The following CDKL3 variants were observed in gnomAD, a reference collection of about 807,000 sequenced individuals.
CDKL3 encodes the protein cyclin dependent kinase like 3, also known as cyclin-dependent kinase-like 3.
In CDKL3, 65 loss-of-function variants were observed where a neutral mutation model predicts 69.3. The observed-to-expected ratio is 0.94, with a 90% CI of 0.77 to 1.15. The LOEUF (loss-of-function observed/expected upper bound fraction) is 1.15, where lower values mean the gene tolerates loss of function less well. Ranked by LOEUF, CDKL3 falls within the 50% of genes most tolerant of loss-of-function variation. The probability of loss-of-function intolerance (pLI) is 0.00; values close to 1 mark genes in which losing one functional copy is unlikely to be tolerated. For synonymous variants in CDKL3, 202 were observed against 221.6 expected (o/e 0.91, Z 0.79); for missense variants, 652 against 689.2 (o/e 0.95, Z 0.61).
chr5:134,290,566 A>G (rs758204103), intron 8 of CDKL3, among the ~76,000 whole-genome samples: 1 of 152,166 alleles, frequency 6.6e-6, no homozygotes. Context: ...AAAATAATCA[A>G]TGGTGTCAAA....
Position 134,312,320 on chromosome 5 carries a change from A to C in CDKL3, c.853T>G (p.Tyr285Asp), listed in dbSNP as rs1338916486. 2 of 1,596,216 alleles carry C rather than the reference A, an allele frequency of 1.3e-6. No individual in the cohort carries two copies. Among genetic ancestry groups the C allele is most frequent in the Non-Finnish European group, 1.7e-6 (2 of 1,170,890 alleles). ...TCAATAAATCCATCTCTAGTAAAAT[A>C]CTCATGATGCAAAAGATCACTAGAT... The part of the protein sequence containing the change: ...ISSSDLLHHE[Y>D]FTRDGFIEKF... The change falls in exon 7 of 13, where the codon TAT (tyrosine) becomes GAT (aspartate). Residue 285 changes from tyrosine to aspartate, a missense_variant. By Grantham distance (160) the Tyr-to-Asp change is radical. Coordinates refer to ENST00000265334, the MANE Select transcript of CDKL3 (RefSeq NM_001113575.2).
intron 2 of CDKL3, among the ~76,000 whole-genome samples, chr5:134,366,091 C>G (rs1757350234): frequency 6.6e-6 from 1 of 152,108 alleles, no homozygotes. Context: ...TAGCACCATG[C>G]CTTGCACATA....
chr5:134,333,694 G>A (rs1776355375), intron 4 of CDKL3, among the ~76,000 whole-genome samples: 1 of 152,200 alleles, frequency 6.6e-6, no homozygotes, highest in Non-Finnish European at 1.5e-5. Flanking sequence ...GCTTTTTGAT[G>A]TGCTGCTGGA....
intron 3 of CDKL3, among the ~76,000 whole-genome samples, chr5:134,353,713 C>G (rs1359274451): frequency 6.6e-6 from 1 of 152,066 alleles, no homozygotes; most frequent in African/African-American, 2.4e-5. Flanking sequence ...GCATGCGCCA[C>G]CATGCCCAGC....
chr5:134,359,779 G>T, intron 3 of CDKL3, 118 bp downstream of exon 3: 1 of 734,766 alleles, frequency 1.4e-6, no homozygotes, highest in Non-Finnish European at 2.1e-6. Context: ...TTTTCAGGAT[G>T]TCTATTATTA....
intron 4 of CDKL3, among the ~76,000 whole-genome samples, chr5:134,346,643 T>C (rs917243992): frequency 1.2e-4 from 18 of 152,064 alleles, no homozygotes; most frequent in Non-Finnish European, 2.9e-5. Flanking sequence ...ATTACAGGCA[T>C]GCACCACCAC....
intron 4 of CDKL3, among the ~76,000 whole-genome samples, chr5:134,337,175 C>T (rs1308653866): frequency 6.6e-6 from 1 of 152,198 alleles, no homozygotes; most frequent in Non-Finnish European, 1.5e-5. Context: ...GAGAGAATCT[C>T]CTGGTCTGAC....
At chr5:134,348,939 A>C (rs1752584727) in intron 4 of CDKL3, among the ~76,000 whole-genome samples, 1 of 152,202 alleles carries the variant, frequency 6.6e-6, no homozygotes, top group Non-Finnish European at 1.5e-5. Context: ...CAGTCTGTAC[A>C]GGGTATCAAC....
At chr5:134,313,455 C>T (rs1186445253) in intron 6 of CDKL3, among the ~76,000 whole-genome samples, 2 of 152,132 alleles carry the variant, frequency 1.3e-5, no homozygotes, top group Non-Finnish European at 2.9e-5. Flanking sequence ...CAACAACAAT[C>T]CTACAAAGTA....
At chr5:134,292,868 A>T (rs543893770) in intron 8 of CDKL3, among the ~76,000 whole-genome samples, 2 of 152,074 alleles carry the variant, frequency 1.3e-5, no homozygotes, top group African/African-American at 4.8e-5. Context: ...TCCTTGAAAG[A>T]AGCAAACAAA....
At chr5:134,319,625 T>C (rs1261552852) in intron 5 of CDKL3, 128 bp from the exon 6 acceptor site, 3 of 911,216 alleles carry the variant, frequency 3.3e-6, no homozygotes, top group Non-Finnish European at 4.7e-6. Context: ...ATTATGTATT[T>C]TAATTTTTTG....
chr5:134,367,215 G>C (rs893442566), upstream of CDKL3: 3 of 985,850 alleles, frequency 3.0e-6, no homozygotes, highest in South Asian at 1.4e-4. Flanking sequence ...TCCCGACCCG[G>C]AAGGGGAAGT....
chr5:134,312,237 A>C, intron 7 of CDKL3, 55 bp downstream of exon 7: 3 of 1,052,160 alleles, frequency 2.9e-6, no homozygotes, highest in South Asian at 3.0e-5. Flanking sequence ...CCTGCTAGTA[A>C]AATTTCCCAA....
chr5:134,341,237 A>G (rs1159201140), intron 4 of CDKL3, among the ~76,000 whole-genome samples: 2 of 152,202 alleles, frequency 1.3e-5, no homozygotes, highest in African/African-American at 4.8e-5. Context: ...CTAATATCAT[A>G]CTTAGACTGA....
In CDKL3 at chr5:134,306,750, C is replaced by CTTTTTTTTT. The variant is rs11414446; in HGVS notation, c.1365-57_1365-49dup. 1.1e-4 allele frequency: 24 copies of CTTTTTTTTT among 227,666 alleles called. 1 individual carries two copies. The highest frequency in any genetic ancestry group is 1.6e-4 in the South Asian group (5 of 32,028). 14.1% of individuals were successfully genotyped at this position (227,666 alleles called of 1,614,324 possible). On this transcript the variant is annotated intron_variant, in intron 9 of 12. Transcript: ENST00000265334. ...AAGTTACTAAAACTCCCCAGAAATG[C>CTTTTTTTTT]TTTTTTTTTTTTTTTTTTTTTTTTG...
At chr5:134,303,139 T>C (rs1766769725) in intron 11 of CDKL3, among the ~76,000 whole-genome samples, 1 of 152,050 alleles carries the variant, frequency 6.6e-6, no homozygotes, top group East Asian at 1.9e-4. Context: ...TCACCCAGGC[T>C]GGAGTGCAGT....
At position 134,359,925 on chromosome 5, in the gene CDKL3, C is replaced by G. The variant is rs764027316; in HGVS notation, c.332G>C (p.Arg111Pro). The change falls in exon 3 of 13, where the codon CGA (arginine) becomes CCA (proline). Residue 111 changes from arginine (R) to proline (P), a missense_variant. Arg to Pro is a moderately radical substitution (Grantham distance 103, BLOSUM62 -2). Coordinates refer to ENST00000265334, the MANE Select transcript of CDKL3 (RefSeq NM_001113575.2). ...ATTACTGTGAAGATAGTCAATTGCT[C>G]GAAGGATCTGGAAGAGGTATTTTCT... Reference protein sequence around the residue: ...RLRKYLFQILRAIDYLHSNNI... With the variant: ...RLRKYLFQILPAIDYLHSNNI... 4 of 1,585,496 alleles carry G rather than the reference C, an allele frequency of 2.5e-6. No homozygotes were observed. The highest frequency in any genetic ancestry group is 3.4e-6 in the Non-Finnish European group (4 of 1,165,472).
intron 3 of CDKL3, among the ~76,000 whole-genome samples, chr5:134,351,880 C>T (rs1753392423): frequency 6.6e-6 from 1 of 152,116 alleles, no homozygotes; most frequent in African/African-American, 2.4e-5. Flanking sequence ...ATTAACATTA[C>T]ATCACATACT....
chr5:134,333,368 G>T (rs1418602657), intron 4 of CDKL3, among the ~76,000 whole-genome samples: 3 of 152,202 alleles, frequency 2.0e-5, no homozygotes, highest in Non-Finnish European at 4.4e-5. Context: ...TAGGAGTGGT[G>T]AGAGAGGACA....
Sources: allele counts gnomAD v4.1 joint callset (sites outside exome capture counted in the v4.1 genomes callset), GRCh38; gene constraint gnomAD v4.1.1; transcripts MANE v1.5; gene names NCBI Gene and HGNC (gene_info 2026-07-23, HGNC 2026-07-21).